WWC1: variants seen among roughly 807,000 people sequenced by gnomAD.
The protein encoded by WWC1 is protein KIBRA.
WWC1 carries 55 observed loss-of-function variants against 138.4 expected under a neutral mutation model. The ratio of observed to expected loss-of-function variants is 0.40; its 90% CI spans 0.32 to 0.50. The LOEUF (loss-of-function observed/expected upper bound fraction) is 0.50. Among genes scored for constraint, WWC1 ranks in the 20% least tolerant of loss-of-function variants. WWC1 has a pLI of 0.72. For missense variants in WWC1, 1,226 were observed against 1,420.4 expected (o/e 0.86, Z 2.20); for synonymous variants, 524 against 564.9 (o/e 0.93, Z 1.03).
At chr5:168,322,488 T>C (rs1581916866) in intron 1 of WWC1, among the ~76,000 whole-genome samples, 1 of 152,210 alleles carries the variant, frequency 6.6e-6, no homozygotes, top group Non-Finnish European at 1.5e-5. Flanking sequence ...GACCTGTGGG[T>C]CATGGTTCTC....
chr5:168,311,410 C>G (rs1461437274), intron 1 of WWC1, among the ~76,000 whole-genome samples: 2 of 152,150 alleles, frequency 1.3e-5, no homozygotes, highest in Non-Finnish European at 2.9e-5. Context: ...ACCGAGGCAG[C>G]AGCATCTCCC....
At chr5:168,371,184 C>T (rs1776726018) in intron 1 of WWC1, among the ~76,000 whole-genome samples, 1 of 152,216 alleles carries the variant, frequency 6.6e-6, no homozygotes, top group South Asian at 2.1e-4. Flanking sequence ...GAAGGAGTGG[C>T]AAAGTTGGGA....
chr5:168,415,418 T>A lies in WWC1; in HGVS notation c.1184+828T>A, dbSNP rs1232600901. On this transcript the variant is annotated intron_variant, in intron 9 of 22. Coordinates refer to ENST00000265293, the MANE Select transcript of WWC1 (RefSeq NM_015238.3). ...ATAACCTAAAAGCCACCGGTTTACATTCTTTAATTTAGACCTTATTATAGA... is the reference window on the plus strand; with the variant it reads ...ATAACCTAAAAGCCACCGGTTTACAATCTTTAATTTAGACCTTATTATAGA... The A allele has an allele frequency of 2.6e-5, 4 of 152,292 alleles. No individual in the cohort carries two copies. The South Asian group carries it at 8.3e-4, about 32-fold the overall frequency. The allele number at this position is 152,292 out of a possible 1,614,324, so 9.4% of individuals were successfully genotyped here. A position where few individuals can be genotyped will look rare whatever the true frequency, so the allele number is the denominator to read the frequency against.
chr5:168,354,683 G>T (rs909152089), intron 1 of WWC1, among the ~76,000 whole-genome samples: 11 of 152,242 alleles, frequency 7.2e-5, no homozygotes, highest in Middle Eastern at 3.4e-3. Flanking sequence ...CCACTGGTAA[G>T]TTTCTCCTTT....
chr5:168,339,806 T>TTTTCTTTCTTTCCTTCTTTCTTTCTTTC (rs1773822595), intron 1 of WWC1, among the ~76,000 whole-genome samples: 1 of 142,618 alleles, frequency 7.0e-6, no homozygotes, highest in African/African-American at 2.9e-5. Flanking sequence ...TTCTTTTTGT[T>TTTTCTTTCTTTCCTTCTTTCTTTCTTTC]TTTCTTTCTT....
chr5:168,408,524 G>A lies in WWC1; in HGVS notation c.738G>A (p.Lys246=). 6.2e-7 allele frequency: 1 copy of A among 1,614,090 alleles called. No individual in the cohort carries two copies. The highest frequency in any genetic ancestry group is 1.1e-5 in the South Asian group (1 of 91,044). ...TCCTTCAGAGCCTTGCCATGTTGAA[G>A]GACGGCTTCCGCACTGACAGGGGGT... ...QDLIKSLAML[K]DGFRTDRGSH... Residue 246 remains lysine, a synonymous_variant, in exon 7 of 23, where the codon AAG becomes AAA. Coordinates refer to ENST00000265293, the MANE Select transcript of WWC1 (RefSeq NM_015238.3).
At chr5:168,412,034 A>G (rs992302653) in intron 8 of WWC1, 1 of 985,340 alleles carries the variant, frequency 1.0e-6, no homozygotes, top group Non-Finnish European at 1.2e-6. Flanking sequence ...AAACAGCAAG[A>G]CATCTGTATT....
chr5:168,294,384 A>G (rs571059917), intron 1 of WWC1, among the ~76,000 whole-genome samples: 2 of 152,254 alleles, frequency 1.3e-5, no homozygotes, highest in Admixed American at 6.5e-5. Flanking sequence ...AGTTATATCT[A>G]TTGTCATACA....
In WWC1 at chr5:168,306,912, A is replaced by G. The variant is rs1181401314; in HGVS notation, c.119+14641A>G. ...ACGCCCAGCCAGTCTAAGCTACTTT[A>G]GAGTTGTAAGCCTGGGGGCTAGGCC... On this transcript the variant is annotated intron_variant, in intron 1 of 22. Coordinates refer to ENST00000265293, the MANE Select transcript of WWC1 (RefSeq NM_015238.3). Among the ~76,000 whole-genome samples the G allele has an allele frequency of 2.0e-5, 3 of 152,238 alleles. 1 individual carries two copies. The highest frequency in any genetic ancestry group is 1.3e-4 in the Admixed American group (2 of 15,286).
At chr5:168,441,207 G>A (rs4976610) in intron 15 of WWC1, among the ~76,000 whole-genome samples, 1 of 152,026 alleles carries the variant, frequency 6.6e-6, no homozygotes, top group Non-Finnish European at 1.5e-5. Context: ...ATGAGGTATC[G>A]AAAGTCATCA....
intron 15 of WWC1, 57 bp downstream of exon 15, chr5:168,431,501 G>A (rs1582275503): frequency 1.8e-6 from 2 of 1,097,510 alleles, no homozygotes; most frequent in East Asian, 2.5e-5. Flanking sequence ...TGGCTGGCTG[G>A]CTGACCGGCC....
At chr5:168,434,143 C>G (rs1019950146) in intron 15 of WWC1, among the ~76,000 whole-genome samples, 6 of 152,232 alleles carry the variant, frequency 3.9e-5, no homozygotes, top group Non-Finnish European at 7.3e-5. Context: ...AGAAGAGGCT[C>G]AATCCTATTT....
rs948981860 is a variant in WWC1, at chr5:168,324,820, G to C, written c.119+32549G>C. Among the ~76,000 whole-genome samples the C allele has an allele frequency of 5.3e-5, 8 of 152,284 alleles. No homozygotes were observed. In the South Asian group the frequency reaches 1.0e-3, roughly 20 times the overall value. ...TTAAATATAAATACATAGGTTACAA[G>C]TAAAAGGATAGGAAGGATATACCAT... On this transcript the variant is annotated intron_variant, in intron 1 of 22. Coordinates refer to ENST00000265293, the MANE Select transcript of WWC1 (RefSeq NM_015238.3).
intron 8 of WWC1, 75 bp from the exon 9 acceptor site, chr5:168,414,273 C>CT: frequency 6.4e-7 from 1 of 1,553,640 alleles, no homozygotes; most frequent in Non-Finnish European, 8.7e-7. Flanking sequence ...TCTGAGATGT[C>CT]TGTTTCTTCA....
chr5:168,355,528 C>G (rs1268023312), intron 1 of WWC1, among the ~76,000 whole-genome samples: 8 of 144,362 alleles, frequency 5.5e-5, no homozygotes, highest in Non-Finnish European at 1.1e-4. Context: ...AACAGCATTT[C>G]AACTGAGAGC....
chr5:168,466,022 G>A (rs1405891806), intron 21 of WWC1, among the ~76,000 whole-genome samples: 2 of 152,144 alleles, frequency 1.3e-5, no homozygotes, highest in Admixed American at 1.3e-4. Context: ...CAGCACGATG[G>A]GGAGTCTCTG....
intron 15 of WWC1, among the ~76,000 whole-genome samples, chr5:168,440,782 G>T (rs1754676525): frequency 6.6e-6 from 1 of 152,168 alleles, no homozygotes; most frequent in Non-Finnish European, 1.5e-5. Flanking sequence ...CTCCCAAAGT[G>T]CTGGGATTAC....
intron 2 of WWC1, among the ~76,000 whole-genome samples, chr5:168,381,426 G>A (rs963434653): frequency 6.6e-6 from 1 of 152,130 alleles, no homozygotes; most frequent in Non-Finnish European, 1.5e-5. Context: ...AGCCCGCATC[G>A]CACCTGCCAG....
intron 1 of WWC1, among the ~76,000 whole-genome samples, chr5:168,318,188 A>G (rs141911854): frequency 1.6e-3 from 242 of 152,238 alleles, no homozygotes; most frequent in African/African-American, 5.6e-3. Context: ...TTGGTTCCAG[A>G]AGTTCAGAAA....
Sources: gnomAD v4.1 joint callset for allele counts (sites outside exome capture counted in the v4.1 genomes callset) on GRCh38, gnomAD v4.1.1 for gene constraint, MANE v1.5 for transcripts, NCBI Gene and HGNC (gene_info 2026-07-23, HGNC 2026-07-21) for gene names.